The following KALRN variants were observed in gnomAD, a reference collection of about 807,000 sequenced individuals.
The protein encoded by KALRN is kalirin RhoGEF kinase.
KALRN carries 70 observed loss-of-function variants against 353.7 expected under a neutral mutation model. The ratio of observed to expected loss-of-function variants is 0.20; its 90% CI spans 0.16 to 0.24. KALRN has a LOEUF of 0.24. Ranked by LOEUF, KALRN falls within the 10% of genes least tolerant of loss-of-function variation. The pLI is 1.00. For synonymous variants in KALRN, 1,391 were observed against 1,434.8 expected (o/e 0.97, Z 0.69); for missense variants, 2,791 against 3,756.7 (o/e 0.74, Z 6.72).
intron 34 of KALRN, among the ~76,000 whole-genome samples, chr3:124,591,469 C>T (rs548425517): frequency 3.1e-4 from 47 of 152,290 alleles, no homozygotes; most frequent in Non-Finnish European, 5.4e-4. Context: ...TACCCTTTCA[C>T]AGTCATTGCA....
chr3:124,456,555 T>C, intron 22 of KALRN, 55 bp from the exon 23 acceptor site: 3 of 1,257,606 alleles, frequency 2.4e-6, no homozygotes, highest in Non-Finnish European at 3.5e-6. Flanking sequence ...TCAACTCCAG[T>C]GAGTTGCTTT....
intron 45 of KALRN, among the ~76,000 whole-genome samples, chr3:124,664,228 C>A (rs2085260638): frequency 6.6e-6 from 1 of 152,068 alleles, no homozygotes; most frequent in Admixed American, 6.6e-5. Flanking sequence ...AGGAGTCTAA[C>A]TGTGCTTCTC....
chr3:124,558,987 C>T (rs1280032573), intron 33 of KALRN, among the ~76,000 whole-genome samples: 1 of 152,218 alleles, frequency 6.6e-6, no homozygotes, highest in East Asian at 1.9e-4. Context: ...ACAGTTTATA[C>T]AAGAAGGAGG....
At chr3:124,154,717 A>G (rs1031662702) in intron 1 of KALRN, among the ~76,000 whole-genome samples, 10 of 152,196 alleles carry the variant, frequency 6.6e-5, no homozygotes, top group Non-Finnish European at 1.0e-4. Context: ...ATGCCATCCC[A>G]TCAAGCTACC....
At chr3:124,478,427 G>T (rs896813507) in intron 27 of KALRN, among the ~76,000 whole-genome samples, 2 of 152,298 alleles carry the variant, frequency 1.3e-5, no homozygotes, top group South Asian at 2.1e-4. Context: ...TTCTAGCCTG[G>T]CACTGCCTCA....
intron 1 of KALRN, among the ~76,000 whole-genome samples, chr3:124,209,111 G>T (rs566572971): frequency 4.6e-5 from 7 of 152,050 alleles, no homozygotes; most frequent in Admixed American, 2.0e-4. Flanking sequence ...TATGTACATT[G>T]TCTCTCTATG....
At chr3:124,331,605 G>C (rs2080565270) in intron 8 of KALRN, among the ~76,000 whole-genome samples, 1 of 150,732 alleles carries the variant, frequency 6.6e-6, no homozygotes, top group African/African-American at 2.5e-5. Flanking sequence ...GATCTCATCA[G>C]CTCTGATCCA....
chr3:124,518,831 G>A (rs1577677388), intron 33 of KALRN: 1 of 1,113,226 alleles, frequency 9.0e-7, no homozygotes, highest in Non-Finnish European at 1.1e-6. Flanking sequence ...TGCAACATGA[G>A]TGAAGAGGTT....
chr3:124,173,674 G>T (rs1481261777), intron 1 of KALRN, among the ~76,000 whole-genome samples: 1 of 152,152 alleles, frequency 6.6e-6, no homozygotes, highest in Non-Finnish European at 1.5e-5. Flanking sequence ...GGGGTGCAAT[G>T]GCGTGATCTT....
At chr3:124,500,697 G>A (rs1434426608) in intron 33 of KALRN, among the ~76,000 whole-genome samples, 1 of 152,188 alleles carries the variant, frequency 6.6e-6, no homozygotes, top group Non-Finnish European at 1.5e-5. Context: ...CCTTACACCT[G>A]TCTAATGCAA....
At position 124,269,082 on chromosome 3, in the gene KALRN, G is replaced by C. The variant is rs1400621156; in HGVS notation, c.796G>C (p.Gly266Arg). 1.9e-6 allele frequency: 3 copies of C among 1,612,486 alleles called. No individual in the cohort carries two copies. The highest frequency in any genetic ancestry group is 2.7e-5 in the African/African-American group (2 of 74,904). The change falls in exon 5 of 60, where the codon GGA (glycine) becomes CGA (arginine). Residue 266 changes from glycine (G) to arginine (R), a missense_variant. Gly to Arg is a moderately radical substitution (Grantham distance 125). Transcript: ENST00000682506. ...QCIRCSDGFSGRNCIPGSADF... is the reference protein window; with the variant it reads ...QCIRCSDGFSRRNCIPGSADF... Reference sequence around the variant, plus strand: ...CATCCGCTGCAGCGACGGCTTCTCAGGACGCAACTGCATCCCGGGCAGTGC... The same window carrying C: ...CATCCGCTGCAGCGACGGCTTCTCACGACGCAACTGCATCCCGGGCAGTGC...
At chr3:124,712,044 TG>T (rs1185136903) in intron 57 of KALRN, among the ~76,000 whole-genome samples, 1 of 152,126 alleles carries the variant, frequency 6.6e-6, no homozygotes, top group African/African-American at 2.4e-5. Flanking sequence ...TTTGGGGACT[TG>T]GGGGAAAGGG....
At chr3:124,318,310 T>G (rs1264558377) in intron 6 of KALRN, among the ~76,000 whole-genome samples, 1 of 152,230 alleles carries the variant, frequency 6.6e-6, no homozygotes, top group Non-Finnish European at 1.5e-5. Flanking sequence ...GCTGCCCCAT[T>G]TGGCCCCCCA....
chr3:124,700,634 A>G (rs1463182542), intron 56 of KALRN, among the ~76,000 whole-genome samples: 1 of 152,220 alleles, frequency 6.6e-6, no homozygotes, highest in African/African-American at 2.4e-5. Context: ...TCCCAGGGAC[A>G]TTTTGAAAGA....
intron 6 of KALRN, among the ~76,000 whole-genome samples, chr3:124,304,485 A>T (rs2077528030): frequency 6.6e-6 from 1 of 152,230 alleles, no homozygotes; most frequent in Non-Finnish European, 1.5e-5. Flanking sequence ...GTATTAAATT[A>T]TCACTTTCTA....
chr3:124,153,234 A>G (rs1320882002), intron 1 of KALRN, among the ~76,000 whole-genome samples: 1 of 147,318 alleles, frequency 6.8e-6, no homozygotes, highest in Admixed American at 6.7e-5. Context: ...ATCATTTAGC[A>G]TTAGGTATAT....
intron 34 of KALRN, among the ~76,000 whole-genome samples, chr3:124,627,655 A>G (rs1490576669): frequency 6.6e-6 from 1 of 152,244 alleles, no homozygotes; most frequent in Non-Finnish European, 1.5e-5. Context: ...CTAGTGAATG[A>G]AAAGCTTCTG....
chr3:124,636,863 A>G (rs534617145), intron 36 of KALRN, among the ~76,000 whole-genome samples: 1 of 152,302 alleles, frequency 6.6e-6, no homozygotes, highest in Admixed American at 6.5e-5. Context: ...TCGTTTGCCC[A>G]CAGAGCAGTA....
rs115030310 is a variant in KALRN, at chr3:124,108,956, T to C, written c.73+75143T>C. 4.5e-3 allele frequency among the ~76,000 whole-genome samples: 692 copies of C among 152,314 alleles called. 2 individuals carry two copies. The highest frequency in any genetic ancestry group is 8.1e-3 in the Non-Finnish European group (554 of 68,024). On this transcript the variant is annotated intron_variant, in intron 1 of 59. Transcript: ENST00000682506. ...TTGGGATGCTTTTGGCTGCAGGTAA[T>C]TCAACCCAAACTCAAAATGCATAAG...
Sources: gnomAD v4.1 joint callset for allele counts (sites outside exome capture counted in the v4.1 genomes callset) on GRCh38, gnomAD v4.1.1 for gene constraint, MANE v1.5 for transcripts, NCBI Gene and HGNC (gene_info 2026-07-23, HGNC 2026-07-21) for gene names.